Variants in MBP observed in about 807,000 individuals in gnomAD.
MBP encodes the protein Golli-MBP.
MBP carries 16 observed loss-of-function variants against 35.8 expected under a neutral mutation model. That is an observed-to-expected ratio of 0.45 (90% CI 0.30 to 0.68). MBP has a LOEUF of 0.68. Ranked by LOEUF, MBP falls within the 30% of genes least tolerant of loss-of-function variation. MBP has a pLI of 0.08. For missense variants in MBP, 380 were observed against 404.7 expected (o/e 0.94, Z 0.52); for synonymous variants, 143 against 159.6 (o/e 0.90, Z 0.78).
At chr18:77,066,490 A>G in intron 2 of MBP, 105 bp from the exon 3 acceptor site, 1 of 819,440 alleles carries the variant, frequency 1.2e-6, no homozygotes, top group Non-Finnish European at 2.2e-6. Flanking sequence ...TCAGATAATC[A>G]GTTTCACATC....
At chr18:77,054,929 T>G (rs1319426445) in intron 3 of MBP, among the ~76,000 whole-genome samples, 2 of 152,222 alleles carry the variant, frequency 1.3e-5, no homozygotes, top group Non-Finnish European at 2.9e-5. Context: ...AAATGACCTT[T>G]GGCACAGAAA....
rs531118099 is a variant in MBP, at chr18:77,089,724, C to T, written c.51+15487G>A. On this transcript the variant is annotated intron_variant, in intron 2 of 8. Transcript: ENST00000355994. The stretch of plus-strand genomic sequence containing the variant: ...TTCAGGCCGGAGGGTCCCATCCTGC[C>T]GTGACTTTTACGAATATTTTCTTCT... Among the ~76,000 whole-genome samples, 10 of 152,342 alleles carry T rather than the reference C, an allele frequency of 6.6e-5. No homozygotes were observed. In the South Asian group the frequency reaches 1.0e-3, roughly 16 times the overall value.
Position 76,988,680 on chromosome 18 carries a change from C to T in MBP, c.718-153G>A, listed in dbSNP as rs1599473642. On this transcript the variant is annotated intron_variant, in intron 6 of 8. Transcript: ENST00000355994. The surrounding 1 kb of genome is among the most constrained non-coding windows in gnomAD (Gnocchi z 5.2). ...GAGGGGGGCCGCAGGCTCAGGGCCA[C>T]AGCGGCTGTGCAGGTGCGGGAGGGA... 3 of 1,446,044 alleles carry T rather than the reference C, an allele frequency of 2.1e-6. No individual in the cohort carries two copies. In the East Asian group the frequency reaches 6.9e-5, roughly 33 times the overall value. The allele number at this position is 1,446,044 out of a possible 1,614,324, so 89.6% of individuals were successfully genotyped here.
intron 1 of MBP, among the ~76,000 whole-genome samples, chr18:77,116,539 A>G (rs115938909): frequency 0.011 from 1,676 of 152,318 alleles, 30 homozygotes; most frequent in African/African-American, 0.038. Flanking sequence ...TGCTCATGCA[A>G]CAGGTCAGAA....
Position 77,009,303 on chromosome 18 carries a change from G to A in MBP, c.576+7529C>T, listed in dbSNP as rs555045922. On this transcript the variant is annotated intron_variant, in intron 4 of 8. Coordinates refer to ENST00000355994, the MANE Select transcript of MBP (RefSeq NM_001025101.2). Reference sequence around the variant, plus strand: ...CAAGGAGAAGAGGACAGGCCACAGCGATAGCCCACTTCCTATGCAGAGCCC... The same window carrying A: ...CAAGGAGAAGAGGACAGGCCACAGCAATAGCCCACTTCCTATGCAGAGCCC... Among the ~76,000 whole-genome samples the A allele has an allele frequency of 3.0e-4, 45 of 152,368 alleles. 1 individual carries two copies. Among genetic ancestry groups the A allele is most frequent in the South Asian group, 2.1e-4 (1 of 4,832 alleles).
rs376981636 is a variant in MBP at position 76,990,097 on chromosome 18, C to T, written c.577-37G>A. On this transcript the variant is annotated intron_variant, in intron 4 of 8. Transcript: ENST00000355994. ...AGGCGCGGTGACCTCAGGACAAGTCCACAGTCCCTGCGGCTTGTCCTCCTC... is the reference window on the plus strand; with the variant it reads ...AGGCGCGGTGACCTCAGGACAAGTCTACAGTCCCTGCGGCTTGTCCTCCTC... The T allele has an allele frequency of 7.9e-4, 1,116 of 1,404,078 alleles. 3 individuals carry two copies. The highest frequency in any genetic ancestry group is 1.0e-3 in the Non-Finnish European group (1,005 of 999,066). 87.0% of individuals were successfully genotyped at this position (1,404,078 alleles called of 1,614,324 possible). A position where few individuals can be genotyped will look rare whatever the true frequency, so the allele number is the denominator to read the frequency against.
chr18:77,122,225 G>C (rs1247231376), intron 1 of MBP, among the ~76,000 whole-genome samples: 2 of 152,104 alleles, frequency 1.3e-5, no homozygotes, highest in Admixed American at 6.5e-5. Context: ...TTCCAGAACA[G>C]ACGTTTGCAA....
chr18:77,013,720 C>T lies in MBP; in HGVS notation c.576+3112G>A, dbSNP rs112586089. 1.6e-4 allele frequency: 157 copies of T among 985,420 alleles called. 2 individuals carry two copies. The African/African-American group carries it at 2.2e-3, about 14-fold the overall frequency. 61.0% of individuals were successfully genotyped at this position (985,420 alleles called of 1,614,324 possible). A position where few individuals can be genotyped will look rare whatever the true frequency, so the allele number is the denominator to read the frequency against. Reference sequence around the variant, plus strand: ...AAATCATCGGTAAGAAGCTAGCTTTCGAAAACCTCCCTAAAAGTACACGGC... The same window carrying T: ...AAATCATCGGTAAGAAGCTAGCTTTTGAAAACCTCCCTAAAAGTACACGGC... On this transcript the variant is annotated intron_variant, in intron 4 of 8. Coordinates refer to ENST00000355994, the MANE Select transcript of MBP (RefSeq NM_001025101.2).
chr18:77,065,029 T>C (rs1974136977), intron 3 of MBP, among the ~76,000 whole-genome samples: 1 of 152,174 alleles, frequency 6.6e-6, no homozygotes, highest in Non-Finnish European at 1.5e-5. Context: ...CTCAGTGTCA[T>C]GATGGGACGA....
intron 2 of MBP, among the ~76,000 whole-genome samples, chr18:77,090,031 G>A (rs975069673): frequency 2.0e-5 from 3 of 152,216 alleles, no homozygotes; most frequent in African/African-American, 4.8e-5. Context: ...GTGACCTGCA[G>A]CTTTGCAGGT....
At chr18:77,012,507 T>C (rs1254744548) in intron 4 of MBP, among the ~76,000 whole-genome samples, 1 of 152,114 alleles carries the variant, frequency 6.6e-6, no homozygotes, top group Non-Finnish European at 1.5e-5. Context: ...GACAGTAAAA[T>C]GTCTCTGTGT....
At chr18:77,000,346 C>G (rs902839506) in intron 4 of MBP, among the ~76,000 whole-genome samples, 3 of 152,208 alleles carry the variant, frequency 2.0e-5, no homozygotes, top group African/African-American at 7.2e-5. Context: ...ACTAGACACA[C>G]TGTTTTCTTC....
At chr18:77,000,672 T>C (rs1568277996) in intron 4 of MBP, among the ~76,000 whole-genome samples, 1 of 152,268 alleles carries the variant, frequency 6.6e-6, no homozygotes, top group Non-Finnish European at 1.5e-5. Context: ...GCCCGCCGCC[T>C]GTTTCTCTCC....
chr18:76,997,690 T>C (rs891282542), intron 4 of MBP, among the ~76,000 whole-genome samples: 70 of 151,562 alleles, frequency 4.6e-4, no homozygotes, highest in Non-Finnish European at 8.0e-4. Flanking sequence ...TGAGCCACTT[T>C]TTTTTTTTTT....
chr18:77,008,015 T>C (rs1971099059), intron 4 of MBP, among the ~76,000 whole-genome samples: 1 of 152,160 alleles, frequency 6.6e-6, no homozygotes, highest in Non-Finnish European at 1.5e-5. Context: ...CTCTCCACTC[T>C]GCTTGGCTAC....
intron 2 of MBP, among the ~76,000 whole-genome samples, chr18:77,096,792 T>TAA (rs3056785): frequency 0.5 from 75,479 of 151,904 alleles, 19,712 homozygotes; most frequent in African/African-American, 0.66. Context: ...TGGGCAAATG[T>TAA]AAGTGTGAAG....
chr18:77,131,107 ACACACACACACACC>A lies in MBP; in HGVS notation c.-26+1459_-26+1472del, dbSNP rs376534259. 0.27 allele frequency among the ~76,000 whole-genome samples: 39,528 copies of A among 144,362 alleles called. 6,251 individuals carry two copies. Among genetic ancestry groups the A allele is most frequent in the South Asian group, 0.37 (1,657 of 4,424 alleles). The allele number at this position is 144,362 out of a possible 152,430, so 94.7% of individuals were successfully genotyped here. ...CGCGCACACACACACACACACACAC[ACACACACACACACC>A]CCCTCTGCCGCGGTACCCTTCCCCT... On this transcript the variant is annotated intron_variant, in intron 1 of 8. Transcript: ENST00000355994. The surrounding 1 kb of genome is among the most constrained non-coding windows in gnomAD (Gnocchi z 5.5).
At chr18:77,075,616 C>G (rs1185988148) in intron 2 of MBP, among the ~76,000 whole-genome samples, 1 of 152,168 alleles carries the variant, frequency 6.6e-6, no homozygotes, top group Non-Finnish European at 1.5e-5. Flanking sequence ...ACTGCTGAAA[C>G]ATGATGATGT....
intron 3 of MBP, among the ~76,000 whole-genome samples, chr18:77,024,351 G>A (rs1257429418): frequency 6.6e-6 from 1 of 152,128 alleles, no homozygotes; most frequent in Non-Finnish European, 1.5e-5. Flanking sequence ...CAAAAGATTG[G>A]ATACCCCGGT....
Sources: allele counts gnomAD v4.1 joint callset (sites outside exome capture counted in the v4.1 genomes callset), GRCh38; gene constraint gnomAD v4.1.1; non-coding constraint Gnocchi (gnomAD v3.1); transcripts MANE v1.5; gene names NCBI Gene and HGNC (gene_info 2026-07-23, HGNC 2026-07-21).